Variants in ROR2 observed in about 807,000 individuals in gnomAD.
ROR2 encodes the protein tyrosine-protein kinase transmembrane receptor ROR2.
Under a neutral mutation model 74.9 loss-of-function variants are expected in ROR2, and 33 were observed. The observed-to-expected ratio is 0.44, with a 90% CI of 0.33 to 0.59. The LOEUF (loss-of-function observed/expected upper bound fraction) is 0.59. Ranked by LOEUF, ROR2 falls within the 20% of genes least tolerant of loss-of-function variation. The pLI is 0.02. For missense variants in ROR2, 1,216 were observed against 1,313.8 expected (o/e 0.93, Z 1.15); for synonymous variants, 586 against 558.7 (o/e 1.05, Z -0.69).
intron 4 of ROR2, among the ~76,000 whole-genome samples, chr9:91,741,515 T>C (rs1455394900): frequency 6.6e-6 from 1 of 151,650 alleles, no homozygotes; most frequent in African/African-American, 2.4e-5. Flanking sequence ...TAAAAATTCA[T>C]GGGTATTAAT....
At chr9:91,886,451 G>C (rs542722748) in intron 1 of ROR2, among the ~76,000 whole-genome samples, 4 of 152,010 alleles carry the variant, frequency 2.6e-5, no homozygotes, top group Admixed American at 6.6e-5. Flanking sequence ...CCCACACCGC[G>C]ATCTGTCTAC....
chr9:91,757,975 G>A (rs1037262892), intron 2 of ROR2, among the ~76,000 whole-genome samples: 4 of 152,072 alleles, frequency 2.6e-5, no homozygotes, highest in East Asian at 1.9e-4. Flanking sequence ...AAGGCATGTC[G>A]CAGCTTTCTT....
At chr9:91,945,498 T>C (rs898691525) in intron 1 of ROR2, among the ~76,000 whole-genome samples, 2 of 152,252 alleles carry the variant, frequency 1.3e-5, no homozygotes, top group Admixed American at 6.5e-5. Context: ...GAGTGCTTAC[T>C]GAAGCTCATT....
intron 1 of ROR2, among the ~76,000 whole-genome samples, chr9:91,891,766 G>A (rs186884300): frequency 1.1e-3 from 161 of 151,988 alleles, no homozygotes; most frequent in Admixed American, 4.4e-3. Flanking sequence ...CCAGCACAGG[G>A]GCTGGGCATG....
rs1450051357 is a variant in ROR2 at position 91,733,333 on chromosome 9, G to C, written c.726C>G (p.Arg242=). ...CHFVFPLCDA[R]SRTPKPRELC... The stretch of plus-strand genomic sequence containing the variant: ...GCTCACGCGGCTTGGGTGTCCGGGA[G>C]CGCGCGTCGCACAGAGGAAACACGA... Residue 242 remains arginine (R), a synonymous_variant, in exon 6 of 9, where the codon CGC becomes CGG. Coordinates refer to ENST00000375708, the MANE Select transcript of ROR2 (RefSeq NM_004560.4). The surrounding 1 kb of genome is among the most constrained non-coding windows in gnomAD (Gnocchi z 5.7). 1 of 1,612,478 alleles carries C rather than the reference G, an allele frequency of 6.2e-7. No individual in the cohort carries two copies. The highest frequency in any genetic ancestry group is 2.2e-5 in the East Asian group (1 of 44,864).
intron 2 of ROR2, among the ~76,000 whole-genome samples, chr9:91,764,088 C>A (rs959328703): frequency 1.3e-5 from 2 of 152,134 alleles, no homozygotes; most frequent in African/African-American, 2.4e-5. Flanking sequence ...GTAATTCTGT[C>A]AAGTTGAGTT....
intron 1 of ROR2, among the ~76,000 whole-genome samples, chr9:91,876,637 A>G (rs2119351370): frequency 6.6e-6 from 1 of 152,372 alleles, no homozygotes; most frequent in Non-Finnish European, 1.5e-5. Context: ...ATGACTCAAG[A>G]GCCAAAAGAA....
At chr9:91,730,802 G>A in intron 7 of ROR2, 108 bp downstream of exon 7, 1 of 1,439,640 alleles carries the variant, frequency 6.9e-7, no homozygotes, top group Non-Finnish European at 9.6e-7. Flanking sequence ...GGGGTCTCTG[G>A]TCGCCACCGT....
chr9:91,828,095 G>A (rs1179790199), intron 1 of ROR2, among the ~76,000 whole-genome samples: 2 of 152,206 alleles, frequency 1.3e-5, no homozygotes, highest in African/African-American at 4.8e-5. Flanking sequence ...TTAAATGTTT[G>A]CTACCTTCAG....
chr9:91,767,466 C>T (rs1826094740), intron 2 of ROR2, among the ~76,000 whole-genome samples: 1 of 152,208 alleles, frequency 6.6e-6, no homozygotes, highest in African/African-American at 2.4e-5. Context: ...CCAGGTCACA[C>T]TGATCAGTCC....
chr9:91,804,237 C>G (rs1200269008), intron 1 of ROR2, among the ~76,000 whole-genome samples: 1 of 152,190 alleles, frequency 6.6e-6, no homozygotes, highest in Non-Finnish European at 1.5e-5. Context: ...GGCTCAGGAA[C>G]TGGCAGGAGG....
chr9:91,753,352 C>T lies in ROR2; in HGVS notation c.494+2719G>A, dbSNP rs78110653. Among the ~76,000 whole-genome samples, 529 of 152,254 alleles carry T rather than the reference C, an allele frequency of 3.5e-3. 18 individuals are homozygous for T. The East Asian group carries it at 0.09, about 26-fold the overall frequency. ...AAGCAATGTGTGTCCACATGCTCAG[C>T]CTCACTAGTAACCAGGGAAATGGAG... On this transcript the variant is annotated intron_variant, in intron 4 of 8. Transcript: ENST00000375708.
intron 1 of ROR2, among the ~76,000 whole-genome samples, chr9:91,817,568 G>T (rs1468012782): frequency 6.6e-6 from 1 of 152,154 alleles, no homozygotes; most frequent in East Asian, 1.9e-4. Context: ...AGTGAAGGGG[G>T]TCTCTCAAGC....
At chr9:91,781,241 G>GAA (rs111905403) in intron 1 of ROR2, among the ~76,000 whole-genome samples, 109 of 152,332 alleles carry the variant, frequency 7.2e-4, no homozygotes, top group African/African-American at 2.4e-3. Flanking sequence ...CACAGCCTGA[G>GAA]AAAGTGACGG....
intron 1 of ROR2, among the ~76,000 whole-genome samples, chr9:91,835,938 A>T (rs565490965): frequency 6.6e-6 from 1 of 152,314 alleles, no homozygotes. Flanking sequence ...CGCTTTTGTG[A>T]TCGTCACTTC....
Position 91,723,601 on chromosome 9 carries a change from C to A in ROR2, c.*61G>T. The A allele has an allele frequency of 6.3e-7, 1 of 1,595,218 alleles. No individual in the cohort carries two copies. The highest frequency in any genetic ancestry group is 1.1e-5 in the South Asian group (1 of 88,720). The stretch of plus-strand genomic sequence containing the variant: ...GAGTATGGTGTCTTCTCAAAGGTGA[C>A]TGAGGTCCCTGTGGGGTCTCGGCGG... On this transcript the variant is annotated 3_prime_UTR_variant, in exon 9 of 9. Transcript: ENST00000375708.
In ROR2 at chr9:91,807,318, C is replaced by T. The variant is rs185056766; in HGVS notation, c.98-31500G>A. 3.7e-3 allele frequency among the ~76,000 whole-genome samples: 571 copies of T among 152,302 alleles called. 7 individuals are homozygous for T. Among genetic ancestry groups the T allele is most frequent in the African/African-American group, 0.013 (552 of 41,574 alleles). On this transcript the variant is annotated intron_variant, in intron 1 of 8. Coordinates refer to ENST00000375708, the MANE Select transcript of ROR2 (RefSeq NM_004560.4). ...GCCAACAGGAAGGTGAAGAACTCAT[C>T]CACGTGCTGGGAGGGTGGGGCACCC...
At chr9:91,740,419 G>T (rs1048262112) in intron 4 of ROR2, among the ~76,000 whole-genome samples, 6 of 152,028 alleles carry the variant, frequency 3.9e-5, no homozygotes, top group Non-Finnish European at 7.4e-5. Context: ...AGGCGTAGTG[G>T]TGGGTACCTG....
At chr9:91,862,281 C>A (rs922430209) in intron 1 of ROR2, among the ~76,000 whole-genome samples, 2 of 151,722 alleles carry the variant, frequency 1.3e-5, no homozygotes, top group Non-Finnish European at 2.9e-5. Context: ...AGTGAGCTGA[C>A]ATCACGCCAC....
Sources: allele counts gnomAD v4.1 joint callset (sites outside exome capture counted in the v4.1 genomes callset), GRCh38; gene constraint gnomAD v4.1.1; non-coding constraint Gnocchi (gnomAD v3.1); transcripts MANE v1.5; gene names NCBI Gene and HGNC (gene_info 2026-07-23, HGNC 2026-07-21).